MEGF9: variants seen among roughly 807,000 people sequenced by gnomAD.
MEGF9 encodes multiple EGF like domains 9, also known as multiple epidermal growth factor-like domains protein 9.
MEGF9 carries 6 observed loss-of-function variants against 46.8 expected under a neutral mutation model. The ratio of observed to expected loss-of-function variants is 0.13; its 90% CI spans 0.07 to 0.25. The LOEUF (loss-of-function observed/expected upper bound fraction) is 0.25, where lower values mean the gene tolerates loss of function less well. Among genes scored for constraint, MEGF9 ranks in the 10% least tolerant of loss-of-function variants. The pLI, the probability that MEGF9 is intolerant of heterozygous loss-of-function variation, is 1.00. For missense variants in MEGF9, 683 were observed against 792.4 expected (o/e 0.86, Z 1.66); for synonymous variants, 302 against 330.7 (o/e 0.91, Z 0.94).
In MEGF9 at chr9:120,628,467, TG is replaced by T. The variant is rs1231051863; in HGVS notation, c.804-5713del. 3.1e-3 allele frequency among the ~76,000 whole-genome samples: 380 copies of T among 124,562 alleles called. 16 individuals are homozygous for T. The highest frequency in any genetic ancestry group is 0.011 in the African/African-American group (348 of 32,708). The allele number at this position is 124,562 out of a possible 152,430, so 81.7% of individuals were successfully genotyped here. ...ATATTCAGACAGAAATTCTTGTCGT[TG>T]TTTTTTTTTTTTTTTTTTTTTTTTT... On this transcript the variant is annotated intron_variant, in intron 2 of 5. Transcript: ENST00000373930.
rs1158908111 is a variant in MEGF9, at chr9:120,603,343, A to G, written c.*1847T>C. The G allele has an allele frequency of 6.6e-6, 1 of 152,252 alleles. No homozygotes were observed. Among genetic ancestry groups the G allele is most frequent in the Non-Finnish European group, 1.5e-5 (1 of 68,046 alleles). The allele number at this position is 152,252 out of a possible 1,614,324, so 9.4% of individuals were successfully genotyped here. A position where few individuals can be genotyped will look rare whatever the true frequency, so the allele number is the denominator to read the frequency against. ...GCTATAGAAAAACTAAATAATTTTC[A>G]TATAATGTAATATAATGTAACCTCT... On this transcript the variant is annotated 3_prime_UTR_variant, in exon 6 of 6. Coordinates refer to ENST00000373930, the MANE Select transcript of MEGF9 (RefSeq NM_001080497.3).
intron 1 of MEGF9, among the ~76,000 whole-genome samples, chr9:120,705,930 C>T (rs1313660818): frequency 6.6e-6 from 1 of 151,116 alleles, no homozygotes; most frequent in African/African-American, 2.4e-5. Flanking sequence ...AAAAAAACCA[C>T]ACAAAAATCA....
At chr9:120,653,427 A>G (rs1348771672) in intron 2 of MEGF9, among the ~76,000 whole-genome samples, 2 of 151,104 alleles carry the variant, frequency 1.3e-5, no homozygotes, top group African/African-American at 4.9e-5. Context: ...GCTGGAGTGT[A>G]ATAGTGCTAT....
chr9:120,645,581 T>C (rs866548260), intron 2 of MEGF9, among the ~76,000 whole-genome samples: 1 of 152,304 alleles, frequency 6.6e-6, no homozygotes, highest in Admixed American at 6.5e-5. Context: ...CCTAGAGTTA[T>C]AGGACAATTA....
rs1203308058 is a variant in MEGF9 at position 120,605,381 on chromosome 9, C to T, written c.1618G>A (p.Glu540Lys). 4 of 1,613,872 alleles carry T rather than the reference C, an allele frequency of 2.5e-6. No individual in the cohort carries two copies. The highest frequency in any genetic ancestry group is 2.7e-5 in the African/African-American group (2 of 74,908). ...GCATTGAGTTTCCGGTTTTGGTACTCGCGGTACATATATACAGCCCCCACA... is the reference window on the plus strand; with the variant it reads ...GCATTGAGTTTCCGGTTTTGGTACTTGCGGTACATATATACAGCCCCCACA... ...GFVGAVYMYR[E>K]YQNRKLNAPF... Residue 540 changes from glutamate to lysine, a missense_variant, in exon 6 of 6, where the codon GAG (glutamate) becomes AAG (lysine). By Grantham distance (56) the Glu-to-Lys change is moderately conservative. Transcript: ENST00000373930. This position sits in a 1 kb window ranked among gnomAD's most constrained non-coding sequence, Gnocchi z 4.0.
At chr9:120,710,321 G>A (rs1248077646) in intron 1 of MEGF9, among the ~76,000 whole-genome samples, 1 of 150,066 alleles carries the variant, frequency 6.7e-6, no homozygotes, top group Non-Finnish European at 1.5e-5. Flanking sequence ...CCAGCTACTT[G>A]GAAGACTGAG....
intron 3 of MEGF9, among the ~76,000 whole-genome samples, chr9:120,618,292 C>T (rs1166390331): frequency 6.6e-6 from 1 of 152,066 alleles, no homozygotes; most frequent in African/African-American, 2.4e-5. Flanking sequence ...TGTAGTAGAA[C>T]AAATAAGAAG....
At chr9:120,649,365 C>A (rs1361308957) in intron 2 of MEGF9, among the ~76,000 whole-genome samples, 1 of 152,166 alleles carries the variant, frequency 6.6e-6, no homozygotes, top group Non-Finnish European at 1.5e-5. Context: ...GTGGAGTTTG[C>A]ATGTTCTCCC....
Position 120,705,784 on chromosome 9 carries a change from G to T in MEGF9, c.601+7974C>A, listed in dbSNP as rs573290727. Among the ~76,000 whole-genome samples, 111 of 151,362 alleles carry T rather than the reference G, an allele frequency of 7.3e-4. 1 individual carries two copies. Among genetic ancestry groups the T allele is most frequent in the African/African-American group, 2.6e-3 (108 of 41,258 alleles). ...AGAAATCCTCCTTTAAAGTTACCAG[G>T]GCAGTCAGGGTAGTCATTTCTAGTG... On this transcript the variant is annotated intron_variant, in intron 1 of 5. Transcript: ENST00000373930.
chr9:120,651,166 G>A (rs1441427319), intron 2 of MEGF9, among the ~76,000 whole-genome samples: 3 of 152,066 alleles, frequency 2.0e-5, no homozygotes, highest in East Asian at 3.9e-4. Flanking sequence ...TTTCTACTAC[G>A]CCAAAACTAG....
intron 1 of MEGF9, among the ~76,000 whole-genome samples, chr9:120,694,004 T>C (rs2043862848): frequency 6.6e-6 from 1 of 152,070 alleles, no homozygotes; most frequent in Admixed American, 6.5e-5. Flanking sequence ...GTAAAATGCA[T>C]ACTTTCTACT....
At chr9:120,640,658 C>T (rs2043598162) in intron 2 of MEGF9, among the ~76,000 whole-genome samples, 1 of 152,084 alleles carries the variant, frequency 6.6e-6, no homozygotes, top group South Asian at 2.1e-4. Context: ...ATTTTCATTT[C>T]AGTCCATTTA....
At chr9:120,651,933 G>A (rs1233964952) in intron 2 of MEGF9, among the ~76,000 whole-genome samples, 6 of 151,758 alleles carry the variant, frequency 4.0e-5, no homozygotes, top group Middle Eastern at 3.4e-3. Context: ...TTACAGGCAT[G>A]AGCCATCGCG....
At chr9:120,677,455 T>A (rs998860165) in intron 1 of MEGF9, among the ~76,000 whole-genome samples, 12 of 152,140 alleles carry the variant, frequency 7.9e-5, no homozygotes, top group African/African-American at 2.9e-4. Flanking sequence ...TGTTTTTCTG[T>A]AAGCAAGTGA....
At chr9:120,706,314 A>G (rs1020820818) in intron 1 of MEGF9, among the ~76,000 whole-genome samples, 1 of 152,178 alleles carries the variant, frequency 6.6e-6, no homozygotes, top group African/African-American at 2.4e-5. Context: ...AGAAGATTTG[A>G]AACTAATGTT....
At chr9:120,633,173 T>C (rs2043558110) in intron 2 of MEGF9, among the ~76,000 whole-genome samples, 1 of 152,188 alleles carries the variant, frequency 6.6e-6, no homozygotes, top group Non-Finnish European at 1.5e-5. Context: ...TTAGTATTAG[T>C]TCTTCTTCAT....
intron 2 of MEGF9, among the ~76,000 whole-genome samples, chr9:120,641,926 A>G (rs1318412865): frequency 2.0e-5 from 3 of 152,080 alleles, no homozygotes; most frequent in African/African-American, 7.2e-5. Flanking sequence ...AGTCCCCTAT[A>G]TTCCTAATGA....
intron 2 of MEGF9, among the ~76,000 whole-genome samples, chr9:120,652,156 A>G (rs1251982752): frequency 1.1e-4 from 4 of 35,474 alleles, no homozygotes; most frequent in Admixed American, 4.6e-4. Context: ...ACACACACAC[A>G]CACACACACA....
At position 120,607,916 on chromosome 9, in the gene MEGF9, G is replaced by C. The variant is rs1348426162; in HGVS notation, c.1182C>G (p.Asp394Glu). 6.2e-7 allele frequency: 1 copy of C among 1,613,834 alleles called. No individual in the cohort carries two copies. The highest frequency in any genetic ancestry group is 8.5e-7 in the Non-Finnish European group (1 of 1,179,890). Residue 394 changes from aspartate to glutamate, a missense_variant, in exon 5 of 6, where the codon GAC (aspartate) becomes GAG (glutamate). This residue lies in a region of MEGF9 where 313 missense variants were observed against 421.1 expected (regional missense o/e 0.74). Transcript: ENST00000373930. ...NKCENGYYNF[D>E]SICRKCQCHG... Reference sequence around the variant, plus strand: ...GACATTGGCACTTTCTACAGATGCTGTCAAAATTGTAATAGCCATTTTCAC... The same window carrying C: ...GACATTGGCACTTTCTACAGATGCTCTCAAAATTGTAATAGCCATTTTCAC...
Sources: allele counts gnomAD v4.1 joint callset (sites outside exome capture counted in the v4.1 genomes callset), GRCh38; gene constraint gnomAD v4.1.1; regional missense constraint gnomAD v4.1.1; non-coding constraint Gnocchi (gnomAD v3.1); transcripts MANE v1.5; gene names NCBI Gene and HGNC (gene_info 2026-07-23, HGNC 2026-07-21).